Variants in ANKRD42 observed in about 807,000 individuals in gnomAD.
The protein encoded by ANKRD42 is ankyrin repeat domain-containing protein 42.
A neutral mutation model predicts 51.5 loss-of-function variants in ANKRD42; 43 were observed. The observed-to-expected ratio is 0.83, with a 90% CI of 0.65 to 1.08. ANKRD42 has a LOEUF of 1.08. Ranked by LOEUF, ANKRD42 falls within the 50% of genes least tolerant of loss-of-function variation. The pLI is 0.00. For synonymous variants in ANKRD42, 203 were observed against 213.0 expected (o/e 0.95, Z 0.41); for missense variants, 608 against 629.3 (o/e 0.97, Z 0.36).
chr11:83,240,160 T>A (rs1469382352), intron 8 of ANKRD42, among the ~76,000 whole-genome samples: 1 of 152,126 alleles, frequency 6.6e-6, no homozygotes, highest in East Asian at 1.9e-4. Context: ...TTGCATGCAA[T>A]CACAACAACT....
downstream of ANKRD42, among the ~76,000 whole-genome samples, chr11:83,256,826 T>G (rs1863782569): frequency 6.6e-6 from 1 of 151,444 alleles, no homozygotes. Flanking sequence ...AGGTTAAGGG[T>G]CTGTAAACAA....
chr11:83,233,038 T>G (rs1322542113), intron 7 of ANKRD42, among the ~76,000 whole-genome samples: 1 of 152,166 alleles, frequency 6.6e-6, no homozygotes, highest in Admixed American at 6.6e-5. Context: ...TGGCTTGTAG[T>G]TTTATTTTTT....
intron 9 of ANKRD42, 64 bp downstream of exon 9, chr11:83,240,998 A>G: frequency 6.5e-7 from 1 of 1,530,414 alleles, no homozygotes; most frequent in Non-Finnish European, 8.8e-7. Flanking sequence ...TTTTACCACA[A>G]ATTTGGAAAC....
chr11:83,217,298 A>T (rs921796373), intron 5 of ANKRD42, among the ~76,000 whole-genome samples: 1 of 152,154 alleles, frequency 6.6e-6, no homozygotes, highest in African/African-American at 2.4e-5. Context: ...ACAAATTGGT[A>T]ATTTGTTCCC....
intron 1 of ANKRD42, among the ~76,000 whole-genome samples, chr11:83,196,882 A>C (rs998729330): frequency 1.3e-5 from 2 of 152,212 alleles, no homozygotes; most frequent in Non-Finnish European, 2.9e-5. Context: ...TTTGTAGAGT[A>C]GCAGTGACCA....
At position 83,234,352 on chromosome 11, in the gene ANKRD42, G is replaced by A. The variant is rs1863165187; in HGVS notation, c.914-2052G>A. On this transcript the variant is annotated intron_variant, in intron 7 of 10. Coordinates refer to ENST00000533342, the MANE Select transcript of ANKRD42 (RefSeq NM_001300975.2). ...GATAAGCTGTGGTATTTATTATTGA[G>A]GCATTCTTTTTAGTTATTTAATAAT... Among the ~76,000 whole-genome samples the A allele has an allele frequency of 2.6e-5, 4 of 151,876 alleles. No homozygotes were observed. The South Asian group carries it at 6.2e-4, about 24-fold the overall frequency.
chr11:83,207,209 T>C (rs922825763), intron 3 of ANKRD42, among the ~76,000 whole-genome samples: 1 of 152,128 alleles, frequency 6.6e-6, no homozygotes, highest in African/African-American at 2.4e-5. Flanking sequence ...GAGAATAGCA[T>C]GGGGTAACCA....
chr11:83,255,701 C>A, intron 11 of ANKRD42: 1 of 593,626 alleles, frequency 1.7e-6, no homozygotes, highest in Non-Finnish European at 2.9e-6. Flanking sequence ...GGAATTTATT[C>A]ACATAAAATC....
intron 5 of ANKRD42, among the ~76,000 whole-genome samples, chr11:83,216,074 C>T (rs192618551): frequency 5.9e-5 from 9 of 152,286 alleles, no homozygotes; most frequent in East Asian, 3.9e-4. Context: ...GGATTACAGG[C>T]GTAAGCCACT....
downstream of ANKRD42, among the ~76,000 whole-genome samples, chr11:83,262,616 C>T (rs778792312): frequency 5.3e-5 from 8 of 151,970 alleles, no homozygotes; most frequent in African/African-American, 1.5e-4. Context: ...TTTAAAACAC[C>T]GATGAATGAA....
rs112155659 is a variant in ANKRD42 at position 83,216,414 on chromosome 11, C to G, written c.586+4984C>G. On this transcript the variant is annotated intron_variant, in intron 5 of 10. Coordinates refer to ENST00000533342, the MANE Select transcript of ANKRD42 (RefSeq NM_001300975.2). Reference sequence around the variant, plus strand: ...TCTCGGCTCACTGCAGGCTCCACCCCCTGGGGTTCACGCCATTCTCCTGCC... The same window carrying G: ...TCTCGGCTCACTGCAGGCTCCACCCGCTGGGGTTCACGCCATTCTCCTGCC... Among the ~76,000 whole-genome samples the G allele has an allele frequency of 1.5e-3, 233 of 152,178 alleles. 1 individual carries two copies. Among genetic ancestry groups the G allele is most frequent in the African/African-American group, 5.4e-3 (224 of 41,528 alleles).
At chr11:83,222,190 C>T (rs573457015) in intron 5 of ANKRD42, among the ~76,000 whole-genome samples, 1 of 152,272 alleles carries the variant, frequency 6.6e-6, no homozygotes, top group East Asian at 1.9e-4. Context: ...GTGATAATCT[C>T]AGTGCTGTAT....
rs1590951024 is a variant in ANKRD42 at position 83,193,787 on chromosome 11, A to G, written c.-884A>G. ...GTCGGGAGGCTGGAAAGAGACTCCG[A>G]GAAAGTACCAGCGGAAGGCGGCCGC... On this transcript the variant is annotated 5_prime_UTR_variant, in exon 1 of 11. Coordinates refer to ENST00000533342, the MANE Select transcript of ANKRD42 (RefSeq NM_001300975.2). 1 of 452,188 alleles carries G rather than the reference A, an allele frequency of 2.2e-6. No homozygotes were observed. The highest frequency in any genetic ancestry group is 1.6e-5 in the South Asian group (1 of 64,364). 28.0% of individuals were successfully genotyped at this position (452,188 alleles called of 1,614,324 possible).
downstream of ANKRD42, chr11:83,261,919 A>G (rs909820909): frequency 3.1e-6 from 5 of 1,605,556 alleles, no homozygotes; most frequent in Non-Finnish European, 3.4e-6. Context: ...TACTACTTCC[A>G]GAATCTATAA....
intron 8 of ANKRD42, among the ~76,000 whole-genome samples, chr11:83,239,617 A>C (rs770264697): frequency 1.3e-5 from 2 of 152,090 alleles, no homozygotes; most frequent in Non-Finnish European, 2.9e-5. Flanking sequence ...ATGGATATCC[A>C]GTTCTAGACT....
intron 2 of ANKRD42, 86 bp from the exon 3 acceptor site, chr11:83,205,972 C>A: frequency 9.1e-7 from 1 of 1,101,882 alleles, no homozygotes; most frequent in Non-Finnish European, 1.3e-6. Flanking sequence ...CTACAGTCTG[C>A]TATTTTATGA....
intron 5 of ANKRD42, chr11:83,214,556 C>G: frequency 1.0e-6 from 1 of 982,930 alleles, no homozygotes; most frequent in Non-Finnish European, 1.2e-6. Context: ...TAGGTCTAGA[C>G]TGCTTGTGTT....
chr11:83,260,475 A>T (rs891532446), downstream of ANKRD42: 1 of 152,336 alleles, frequency 6.6e-6, no homozygotes, highest in East Asian at 1.9e-4. Flanking sequence ...GTAACAGGAT[A>T]ATGTCAAGGT....
rs1862830775 is a variant in ANKRD42 at position 83,224,976 on chromosome 11, C to G, written c.708C>G (p.Ala236=). ...NDNGENVLDL[A]QRFFKQNILQ... ...ATGGAGAAAATGTACTGGATTTGGC[C>G]CAGAGGTTCTTCAAGCAGAACATTT... The change falls in exon 6 of 11, where the codon GCC becomes GCG. Residue 236 remains alanine (A), a synonymous_variant. Transcript: ENST00000533342. 1.2e-6 allele frequency: 2 copies of G among 1,613,452 alleles called. No homozygotes were observed. Among genetic ancestry groups the G allele is most frequent in the African/African-American group, 2.7e-5 (2 of 74,936 alleles).
Sources: allele counts gnomAD v4.1 joint callset (sites outside exome capture counted in the v4.1 genomes callset), GRCh38; gene constraint gnomAD v4.1.1; transcripts MANE v1.5; gene names NCBI Gene and HGNC (gene_info 2026-07-23, HGNC 2026-07-21).